NWD2: variants seen among roughly 807,000 people sequenced by gnomAD.
NWD2 encodes NACHT and WD repeat domain-containing protein 2.
NWD2 carries 37 observed loss-of-function variants against 132.7 expected under a neutral mutation model. The ratio of observed to expected loss-of-function variants is 0.28; its 90% confidence interval spans 0.21 to 0.37. The LOEUF (loss-of-function observed/expected upper bound fraction) is 0.37. Among genes scored for constraint, NWD2 ranks in the 10% least tolerant of loss-of-function variants. The probability of loss-of-function intolerance (pLI) is 1.00; values close to 1 mark genes in which losing one functional copy is unlikely to be tolerated. For synonymous variants in NWD2, 705 were observed against 803.0 expected, an observed-to-expected ratio of 0.88 and a Z score of 2.06; for missense variants, 1,592 against 2,122.4, an observed-to-expected ratio of 0.75 and a Z score of 4.91.
intron 2 of NWD2, among the ~76,000 whole-genome samples, chr4:37,349,782 T>C (rs1435221195): frequency 1.3e-5 from 2 of 152,224 alleles, no homozygotes; most frequent in Non-Finnish European, 2.9e-5. Context: ...CTGAATGGTA[T>C]TGGCTAGGTT....
intron 3 of NWD2, among the ~76,000 whole-genome samples, chr4:37,423,218 A>G (rs1711875679): frequency 6.6e-6 from 1 of 152,204 alleles, no homozygotes; most frequent in Non-Finnish European, 1.5e-5. Flanking sequence ...TGCCAAAAAT[A>G]TGACCTTTCT....
At position 37,446,823 on chromosome 4, in the gene NWD2, C is replaced by T; in HGVS notation, c.4835C>T (p.Ala1612Val). 6.4e-7 allele frequency: 1 copy of T among 1,551,868 alleles called. No individual in the cohort carries two copies. Among genetic ancestry groups the T allele is most frequent in the Non-Finnish European group, 8.7e-7 (1 of 1,147,048 alleles). The change falls in exon 7 of 7, where the codon GCT (alanine) becomes GTT (valine). Residue 1612 changes from alanine to valine, a missense_variant. Coordinates refer to ENST00000309447, the MANE Select transcript of NWD2 (RefSeq NM_001144990.2). The surrounding 1 kb of genome is among the most constrained non-coding windows in gnomAD (Gnocchi z 6.7). ...MRLADGKNIG[A>V]CSLYKTPTFL... The stretch of plus-strand genomic sequence containing the variant: ...CTGGCAGATGGCAAAAATATCGGTG[C>T]TTGTTCCCTTTACAAAACACCAACT...
chr4:37,384,056 ATCACCTAGGTATTAAGCC>A (rs1720511061), intron 3 of NWD2, among the ~76,000 whole-genome samples: 2 of 152,066 alleles, frequency 1.3e-5, no homozygotes, highest in South Asian at 4.1e-4. Context: ...CTACCAACCC[ATCACCTAGGTATTAAGCC>A]TCACATGCAT....
intron 2 of NWD2, among the ~76,000 whole-genome samples, chr4:37,333,179 G>A (rs968369040): frequency 1.3e-5 from 2 of 152,164 alleles, no homozygotes; most frequent in Non-Finnish European, 2.9e-5. Flanking sequence ...GCCCTAAAGG[G>A]AAGGACACAA....
At chr4:37,408,463 T>C (rs1412000907) in intron 3 of NWD2, among the ~76,000 whole-genome samples, 1 of 152,216 alleles carries the variant, frequency 6.6e-6, no homozygotes, top group Non-Finnish European at 1.5e-5. Context: ...AAGGCTGCTA[T>C]GGCCAGACTG....
chr4:37,335,678 G>A (rs967795858), intron 2 of NWD2, among the ~76,000 whole-genome samples: 18 of 151,716 alleles, frequency 1.2e-4, no homozygotes, highest in Middle Eastern at 3.4e-3. Flanking sequence ...GAACCCTATC[G>A]TGAACTGTGC....
intron 1 of NWD2, among the ~76,000 whole-genome samples, chr4:37,263,846 GA>G (rs1483957146): frequency 9.2e-5 from 14 of 152,242 alleles, no homozygotes; most frequent in African/African-American, 3.4e-4. Flanking sequence ...GATTTTTTAG[GA>G]ATAGAATTTT....
rs985561229 is a variant in NWD2 at position 37,298,337 on chromosome 4, C to G, written c.152-27599C>G. On this transcript the variant is annotated intron_variant, in intron 1 of 6. Transcript: ENST00000309447. ...CCATGTCTGTTTGATTATGGAGTGG[C>G]CTTGCTTATATTTGATTTCATCAGT... 3.9e-5 allele frequency among the ~76,000 whole-genome samples: 6 copies of G among 152,030 alleles called. No individual in the cohort carries two copies. In the South Asian group the frequency reaches 8.3e-4, roughly 21 times the overall value.
Position 37,382,627 on chromosome 4 carries a change from A to T in NWD2, c.357+26145A>T, listed in dbSNP as rs1720475527. ...AATGCTGCAGTGAGGAATGATTTTC[A>T]CTGAATCAACAAATTTGTTCCAGCT... On this transcript the variant is annotated intron_variant, in intron 3 of 6. Transcript: ENST00000309447. Among the ~76,000 whole-genome samples, 5 of 151,968 alleles carry T rather than the reference A, an allele frequency of 3.3e-5. No homozygotes were observed. In the South Asian group the frequency reaches 1.0e-3, roughly 32 times the overall value.
At chr4:37,326,173 A>G in intron 2 of NWD2, 149 bp downstream of exon 2, 2 of 579,294 alleles carry the variant, frequency 3.5e-6, no homozygotes, top group Non-Finnish European at 6.1e-6. Flanking sequence ...ACACTGACAA[A>G]TGGAAATAAA....
intron 1 of NWD2, among the ~76,000 whole-genome samples, chr4:37,314,255 T>A (rs1349489699): frequency 6.6e-6 from 1 of 152,182 alleles, no homozygotes; most frequent in East Asian, 1.9e-4. Context: ...AGTTTTTGTT[T>A]TGTGTTTTTT....
At chr4:37,361,531 C>T (rs1009344553) in intron 3 of NWD2, among the ~76,000 whole-genome samples, 1 of 152,164 alleles carries the variant, frequency 6.6e-6, no homozygotes, top group African/African-American at 2.4e-5. Flanking sequence ...GTTGGTTCAA[C>T]ATATGCAAAC....
chr4:37,432,928 C>T (rs1447623636), intron 4 of NWD2, among the ~76,000 whole-genome samples: 6 of 152,324 alleles, frequency 3.9e-5, no homozygotes, highest in Middle Eastern at 3.4e-3. Flanking sequence ...ATCCAACCCT[C>T]TGCCAAAGAG....
At chr4:37,336,553 G>A (rs1339090329) in intron 2 of NWD2, among the ~76,000 whole-genome samples, 3 of 152,192 alleles carry the variant, frequency 2.0e-5, no homozygotes, top group African/African-American at 7.2e-5. Context: ...AGAGCCATGG[G>A]GGCCTTAACT....
chr4:37,410,510 G>A (rs772208416), intron 3 of NWD2, among the ~76,000 whole-genome samples: 1 of 152,128 alleles, frequency 6.6e-6, no homozygotes, highest in African/African-American at 2.4e-5. Flanking sequence ...CAAGTTCTTA[G>A]ACACCTACAA....
At chr4:37,341,379 T>C (rs1719519558) in intron 2 of NWD2, among the ~76,000 whole-genome samples, 1 of 152,218 alleles carries the variant, frequency 6.6e-6, no homozygotes, top group Middle Eastern at 3.2e-3. Flanking sequence ...TCACTGTAAG[T>C]AGAGAAGAAT....
In NWD2 at chr4:37,312,781, C is replaced by T. The variant is rs948027030; in HGVS notation, c.152-13155C>T. 3.3e-5 allele frequency among the ~76,000 whole-genome samples: 5 copies of T among 150,986 alleles called. 1 individual carries two copies. The highest frequency in any genetic ancestry group is 1.2e-4 in the African/African-American group (5 of 40,304). On this transcript the variant is annotated intron_variant, in intron 1 of 6. Coordinates refer to ENST00000309447, the MANE Select transcript of NWD2 (RefSeq NM_001144990.2). Reference sequence around the variant, plus strand: ...GGCTATGGGTTTGTCATAGATAGCTCTTATTATTTTGAGATATGTTCCATC... The same window carrying T: ...GGCTATGGGTTTGTCATAGATAGCTTTTATTATTTTGAGATATGTTCCATC...
rs527606747 is a variant in NWD2, at chr4:37,384,216, C to T, written c.357+27734C>T. The stretch of plus-strand genomic sequence containing the variant: ...CTGTCTTCTAAGATGTCAGCCTTTC[C>T]CTCAGGGAAAATCTTTCTTTTCTTT... On this transcript the variant is annotated intron_variant, in intron 3 of 6. Transcript: ENST00000309447. Among the ~76,000 whole-genome samples, 13 of 152,298 alleles carry T rather than the reference C, an allele frequency of 8.5e-5. No homozygotes were observed. In the East Asian group the frequency reaches 2.5e-3, roughly 29 times the overall value.
chr4:37,280,713 A>G (rs1476880007), intron 1 of NWD2, among the ~76,000 whole-genome samples: 2 of 152,162 alleles, frequency 1.3e-5, no homozygotes, highest in Admixed American at 1.3e-4. Flanking sequence ...AGAGGAATAG[A>G]AAGAAATTGC....
Sources: gnomAD v4.1 joint callset for allele counts (sites outside exome capture counted in the v4.1 genomes callset) on GRCh38, gnomAD v4.1.1 for gene constraint, Gnocchi (gnomAD v3.1) non-coding constraint, MANE v1.5 for transcripts, NCBI Gene and HGNC (gene_info 2026-07-23, HGNC 2026-07-21) for gene names.